HHAT: variants seen among roughly 807,000 people sequenced by gnomAD.
HHAT encodes hedgehog acyltransferase.
In HHAT, 47 loss-of-function variants were observed where a neutral mutation model predicts 70.8. That is an observed-to-expected ratio of 0.66 (90% confidence interval 0.53 to 0.85). HHAT has a LOEUF of 0.85. Among genes scored for constraint, HHAT ranks in the 40% least tolerant of loss-of-function variants. The probability of loss-of-function intolerance (pLI) is 0.00; values close to 1 mark genes in which losing one functional copy is unlikely to be tolerated. For missense variants in HHAT, 609 were observed against 604.8 expected, an observed-to-expected ratio of 1.01 and a Z score of -0.07; for synonymous variants, 228 against 247.6, an observed-to-expected ratio of 0.92 and a Z score of 0.74.
chr1:210,356,751 G>C (rs920679285), intron 2 of HHAT, among the ~76,000 whole-genome samples: 1 of 152,220 alleles, frequency 6.6e-6, no homozygotes, highest in Non-Finnish European at 1.5e-5. Flanking sequence ...TTGTTAGGAA[G>C]TAATTTTTCC....
chr1:210,606,090 T>A (rs1337696325), intron 10 of HHAT, among the ~76,000 whole-genome samples: 10 of 152,148 alleles, frequency 6.6e-5, no homozygotes, highest in Admixed American at 6.5e-4. Context: ...ACTCCTGACC[T>A]CAGGTCAGGT....
intron 7 of HHAT, among the ~76,000 whole-genome samples, chr1:210,463,401 A>G (rs1010620754): frequency 2.6e-5 from 4 of 152,182 alleles, no homozygotes; most frequent in Non-Finnish European, 5.9e-5. Context: ...GAATGGAATA[A>G]TACAATATGT....
chr1:210,393,814 A>AGCT (rs2091606142), intron 4 of HHAT, among the ~76,000 whole-genome samples: 1 of 152,164 alleles, frequency 6.6e-6, no homozygotes, highest in Admixed American at 6.5e-5. Flanking sequence ...TTTGTGAGAC[A>AGCT]GCTGGTGGGC....
chr1:210,427,335 C>T (rs1462456485), intron 7 of HHAT, among the ~76,000 whole-genome samples: 1 of 151,838 alleles, frequency 6.6e-6, no homozygotes, highest in Non-Finnish European at 1.5e-5. Flanking sequence ...TATTTCTTGT[C>T]TTCTGCTAGC....
intron 2 of HHAT, among the ~76,000 whole-genome samples, chr1:210,360,095 GTCCTGC>G (rs1471354423): frequency 6.6e-6 from 1 of 152,180 alleles, no homozygotes; most frequent in Non-Finnish European, 1.5e-5. Flanking sequence ...GTGGAAAGAT[GTCCTGC>G]CACAGGTTCT....
At chr1:210,420,589 G>A (rs1315630578) in intron 7 of HHAT, among the ~76,000 whole-genome samples, 1 of 151,602 alleles carries the variant, frequency 6.6e-6, no homozygotes, top group Non-Finnish European at 1.5e-5. Context: ...CACCAGCATG[G>A]CACATGTATA....
At chr1:210,438,475 A>T (rs964107308) in intron 7 of HHAT, among the ~76,000 whole-genome samples, 1 of 151,894 alleles carries the variant, frequency 6.6e-6, no homozygotes, top group Admixed American at 6.5e-5. Flanking sequence ...TTGAACTCCC[A>T]GAAACTGCTC....
chr1:210,647,567 C>G (rs1285556343), intron 11 of HHAT, among the ~76,000 whole-genome samples: 1 of 152,110 alleles, frequency 6.6e-6, no homozygotes. Context: ...TGCTTCCCAC[C>G]GCCCCCAGCC....
chr1:210,368,637 A>G (rs1334717082), intron 3 of HHAT, among the ~76,000 whole-genome samples: 2 of 152,162 alleles, frequency 1.3e-5, no homozygotes, highest in African/African-American at 4.8e-5. Flanking sequence ...CAACATGGGA[A>G]TACAAGGTTA....
At chr1:210,560,976 T>C (rs1419566582) in intron 9 of HHAT, among the ~76,000 whole-genome samples, 3 of 152,050 alleles carry the variant, frequency 2.0e-5, no homozygotes, top group Non-Finnish European at 2.9e-5. Context: ...TAATGATCAC[T>C]GAGGCCAGTA....
rs115076260 is a variant in HHAT at position 210,414,253 on chromosome 1, T to C, written c.685-3901T>C. Among the ~76,000 whole-genome samples the C allele has an allele frequency of 3.4e-3, 511 of 152,286 alleles. 1 individual carries two copies. Among genetic ancestry groups the C allele is most frequent in the African/African-American group, 0.011 (477 of 41,556 alleles). On this transcript the variant is annotated intron_variant, in intron 6 of 11. Transcript: ENST00000261458. ...CAGCACTAATCCTAATCATGAAGGG[T>C]CTGCTCTCATGACCTAATCACTTCT...
At chr1:210,593,394 C>T (rs961585570) in intron 10 of HHAT, among the ~76,000 whole-genome samples, 2 of 152,034 alleles carry the variant, frequency 1.3e-5, no homozygotes, top group Non-Finnish European at 2.9e-5. Context: ...TCATTTGTTT[C>T]AAGGAGTTTT....
rs1364527782 is a variant in HHAT at position 210,400,508 on chromosome 1, G to A, written c.314G>A (p.Cys105Tyr). The A allele has an allele frequency of 6.2e-7, 1 of 1,613,926 alleles. No homozygotes were observed. The change falls in exon 5 of 12, where the codon TGC (cysteine) becomes TAC (tyrosine). Residue 105 changes from cysteine (C) to tyrosine (Y), a missense_variant. Physicochemically the swap from Cys to Tyr is radical, Grantham distance 194. Coordinates refer to ENST00000261458, the MANE Select transcript of HHAT (RefSeq NM_018194.6). ...WILMLYGMWA[C>Y]WCVLGTPGVA... ...CTCATGCTCTATGGGATGTGGGCCT[G>A]CTGGTGTGTGCTGGGGACCCCTGGT...
chr1:210,572,599 A>G (rs944898381), intron 9 of HHAT, among the ~76,000 whole-genome samples: 1 of 152,148 alleles, frequency 6.6e-6, no homozygotes, highest in African/African-American at 2.4e-5. Context: ...GCTTCCTACA[A>G]GTAACCTCCT....
rs867495340 is a variant in HHAT, at chr1:210,415,096, A to G, written c.685-3058A>G. On this transcript the variant is annotated intron_variant, in intron 6 of 11. Transcript: ENST00000261458. ...GATGACCACTTTTGACATTTGGTGT[A>G]TATCTTTCCAGCTTTGGATTATTTT... 3.9e-5 allele frequency among the ~76,000 whole-genome samples: 6 copies of G among 152,346 alleles called. 1 individual carries two copies. In the South Asian group the frequency reaches 1.2e-3, roughly 32 times the overall value.
chr1:210,567,461 G>A (rs1485523668), intron 9 of HHAT, among the ~76,000 whole-genome samples: 1 of 152,158 alleles, frequency 6.6e-6, no homozygotes, highest in Non-Finnish European at 1.5e-5. Flanking sequence ...AAAATGTTCA[G>A]CGCAGTACCT....
Position 210,418,087 on chromosome 1 carries a change from A to C in HHAT, c.685-67A>C. 9 of 1,491,142 alleles carry C rather than the reference A, an allele frequency of 6.0e-6. No homozygotes were observed. In the South Asian group the frequency reaches 9.3e-5, roughly 15 times the overall value. 92.4% of individuals were successfully genotyped at this position (1,491,142 alleles called of 1,614,324 possible). A position where few individuals can be genotyped will look rare whatever the true frequency, so the allele number is the denominator to read the frequency against. On this transcript the variant is annotated intron_variant, in intron 6 of 11. Coordinates refer to ENST00000261458, the MANE Select transcript of HHAT (RefSeq NM_018194.6). ...AATATTTGTGGGAAGTTTATGAAAA[A>C]TCTTATCTAAGGGACTGTTTTAGGA...
intron 9 of HHAT, among the ~76,000 whole-genome samples, chr1:210,543,624 G>A (rs2095453003): frequency 1.3e-5 from 2 of 152,076 alleles, no homozygotes; most frequent in South Asian, 2.1e-4. Context: ...AAGACTTCAC[G>A]TGTTTTGAAT....
chr1:210,666,924 C>CA, intron 11 of HHAT, among the ~76,000 whole-genome samples: 1 of 151,874 alleles, frequency 6.6e-6, no homozygotes, highest in Non-Finnish European at 1.5e-5. Flanking sequence ...ACTAAAAATA[C>CA]AAAAAATTAG....
Sources: allele counts gnomAD v4.1 joint callset (sites outside exome capture counted in the v4.1 genomes callset), GRCh38; gene constraint gnomAD v4.1.1; transcripts MANE v1.5; gene names NCBI Gene and HGNC (gene_info 2026-07-23, HGNC 2026-07-21).